TTC23: variants seen among roughly 807,000 people sequenced by gnomAD.
TTC23 encodes the protein tetratricopeptide repeat protein 23.
Under a neutral mutation model 55.1 loss-of-function variants are expected in TTC23, and 58 were observed. That is an observed-to-expected ratio of 1.05 (90% CI 0.85 to 1.31). The LOEUF is 1.31. Ranked by LOEUF, TTC23 falls within the 50% of genes most tolerant of loss-of-function variation. TTC23 has a pLI of 0.00. For missense variants in TTC23, 516 were observed against 534.4 expected, an observed-to-expected ratio of 0.97 and a Z score of 0.34; for synonymous variants, 203 against 199.9, an observed-to-expected ratio of 1.02 and a Z score of -0.13.
At chr15:99,174,932 G>T in intron 10 of TTC23, 118 bp downstream of exon 10, 1 of 740,736 alleles carries the variant, frequency 1.4e-6, no homozygotes, top group Non-Finnish European at 2.2e-6. Flanking sequence ...GATAAAACAA[G>T]GAAGGCTCTG....
intron 8 of TTC23, among the ~76,000 whole-genome samples, chr15:99,209,858 T>C (rs1373474700): frequency 1.3e-5 from 2 of 152,126 alleles, no homozygotes; most frequent in Non-Finnish European, 2.9e-5. Context: ...CCTCAGCCTC[T>C]GGAATAGCTG....
intron 12 of TTC23, among the ~76,000 whole-genome samples, chr15:99,143,685 C>T (rs901552296): frequency 1.3e-4 from 20 of 152,196 alleles, no homozygotes; most frequent in African/African-American, 4.3e-4. Flanking sequence ...TGAGAAGTCA[C>T]TTGTGTTTCT....
intron 8 of TTC23, among the ~76,000 whole-genome samples, chr15:99,210,280 C>G (rs920105734): frequency 4.6e-5 from 7 of 151,944 alleles, no homozygotes; most frequent in East Asian, 1.9e-4. Flanking sequence ...TTAGGAGATT[C>G]AAGAAATAGA....
intron 3 of TTC23, among the ~76,000 whole-genome samples, chr15:99,238,719 G>A (rs1172988886): frequency 6.6e-6 from 1 of 152,072 alleles, no homozygotes; most frequent in Non-Finnish European, 1.5e-5. Flanking sequence ...TGCCATTGAG[G>A]AGGGTTATTG....
At chr15:99,215,198 T>C (rs959648772) in intron 8 of TTC23, among the ~76,000 whole-genome samples, 4 of 152,044 alleles carry the variant, frequency 2.6e-5, no homozygotes, top group Non-Finnish European at 5.9e-5. Flanking sequence ...GTTTAACTGA[T>C]ATATAAGGGT....
intron 5 of TTC23, among the ~76,000 whole-genome samples, chr15:99,228,248 C>T (rs2078627583): frequency 6.6e-6 from 1 of 152,216 alleles, no homozygotes; most frequent in Non-Finnish European, 1.5e-5. Flanking sequence ...ATTACAAGCT[C>T]TATGAGAGCA....
rs534596337 is a variant in TTC23 at position 99,186,663 on chromosome 15, G to A, written c.760-11508C>T. Reference sequence around the variant, plus strand: ...TAAAAAATCATATATTTCTATACATGAATAATTAGAAAATGAAATTTTAAA... The same window carrying A: ...TAAAAAATCATATATTTCTATACATAAATAATTAGAAAATGAAATTTTAAA... On this transcript the variant is annotated intron_variant, in intron 9 of 13. Transcript: ENST00000394132. Among the ~76,000 whole-genome samples the A allele has an allele frequency of 4.5e-4, 69 of 152,038 alleles. No individual in the cohort carries two copies. In the East Asian group the frequency reaches 0.013, roughly 28 times the overall value.
intron 9 of TTC23, among the ~76,000 whole-genome samples, chr15:99,197,126 G>A (rs1298121331): frequency 6.8e-6 from 1 of 148,116 alleles, no homozygotes. Flanking sequence ...TTTTTGAGAC[G>A]GAGTCACGCT....
At position 99,137,851 on chromosome 15, in the gene TTC23, G is replaced by A. The variant is rs112221342; in HGVS notation, c.*159C>T. On this transcript the variant is annotated 3_prime_UTR_variant, in exon 14 of 14. Coordinates refer to ENST00000394132, the MANE Select transcript of TTC23 (RefSeq NM_001288615.3). ...CATCCACTGTCAAAATGTGGCCCAC[G>A]GGAGGCTTATGGTCTCACTGTTGCA... The A allele has an allele frequency of 2.6e-5, 30 of 1,172,706 alleles. 1 individual carries two copies. Among genetic ancestry groups the A allele is most frequent in the South Asian group, 6.5e-5 (4 of 61,688 alleles). The allele number at this position is 1,172,706 out of a possible 1,614,324, so 72.6% of individuals were successfully genotyped here. A position where few individuals can be genotyped will look rare whatever the true frequency, so the allele number is the denominator to read the frequency against.
At chr15:99,230,921 C>T (rs553425141) in intron 4 of TTC23, among the ~76,000 whole-genome samples, 2 of 152,288 alleles carry the variant, frequency 1.3e-5, no homozygotes, top group South Asian at 2.1e-4. Flanking sequence ...GGAAATGGTA[C>T]GTACATGGGC....
rs963338171 is a variant in TTC23 at position 99,229,033 on chromosome 15, G to A, written c.-20-301C>T. Among the ~76,000 whole-genome samples, 8 of 97,406 alleles carry A rather than the reference G, an allele frequency of 8.2e-5. No individual in the cohort carries two copies. The East Asian group carries it at 1.9e-3, about 23-fold the overall frequency. 63.9% of individuals were successfully genotyped at this position (97,406 alleles called of 152,430 possible). A position where few individuals can be genotyped will look rare whatever the true frequency, so the allele number is the denominator to read the frequency against. Reference sequence around the variant, plus strand: ...ATGTATTACACACATACATACATACGTAAAGTCCAGTAGAAATTAGCCTAG... The same window carrying A: ...ATGTATTACACACATACATACATACATAAAGTCCAGTAGAAATTAGCCTAG... On this transcript the variant is annotated intron_variant, in intron 4 of 13. Transcript: ENST00000394132.
chr15:99,197,077 C>T (rs1267483721), intron 9 of TTC23, among the ~76,000 whole-genome samples: 2 of 152,062 alleles, frequency 1.3e-5, no homozygotes, highest in East Asian at 1.9e-4. Flanking sequence ...CCTCATATCT[C>T]ACCTGCTATA....
At chr15:99,240,826 C>T (rs1015125130) in intron 3 of TTC23, among the ~76,000 whole-genome samples, 1 of 152,110 alleles carries the variant, frequency 6.6e-6, no homozygotes, top group Non-Finnish European at 1.5e-5. Context: ...TTTTATACAC[C>T]ATTTGACTTG....
rs568819898 is a variant in TTC23, at chr15:99,196,197, A to T, written c.759+3722T>A. Among the ~76,000 whole-genome samples, 234 of 152,258 alleles carry T rather than the reference A, an allele frequency of 1.5e-3. 2 individuals carry two copies. Among genetic ancestry groups the T allele is most frequent in the African/African-American group, 5.4e-3 (224 of 41,562 alleles). On this transcript the variant is annotated intron_variant, in intron 9 of 13. Coordinates refer to ENST00000394132, the MANE Select transcript of TTC23 (RefSeq NM_001288615.3). ...TGAGAGATATGGGTTAACATAAAAA[A>T]TTAAAGTAAATTTGAGACTCTATTC...
chr15:99,142,564 G>A (rs1199837353), intron 12 of TTC23, among the ~76,000 whole-genome samples: 1 of 152,160 alleles, frequency 6.6e-6, no homozygotes, highest in Non-Finnish European at 1.5e-5. Context: ...ACAGTCTGAG[G>A]TCTCAGTTCA....
Position 99,228,596 on chromosome 15 carries a change from C to A in TTC23, c.117G>T (p.Gln39His). The stretch of plus-strand genomic sequence containing the variant: ...AGAGGTGGAGTTTCTCTCGAGGAGG[C>A]TGGAATAGTGCTGTCTGAAGCAGCT... ...QNKLLQTALF[Q>H]PPREKLHLCE... The change falls in exon 5 of 14, where the codon CAG becomes CAT. Residue 39 changes from glutamine to histidine, a missense_variant. Physicochemically the swap from Gln to His is conservative, Grantham distance 24. Coordinates refer to ENST00000394132, the MANE Select transcript of TTC23 (RefSeq NM_001288615.3). The A allele has an allele frequency of 6.2e-7, 1 of 1,613,924 alleles. No homozygotes were observed. Among genetic ancestry groups the A allele is most frequent in the African/African-American group, 1.3e-5 (1 of 75,036 alleles).
chr15:99,245,301 C>G (rs1597073571), intron 2 of TTC23, 88 bp downstream of exon 2: 1 of 152,158 alleles, frequency 6.6e-6, no homozygotes. Flanking sequence ...CACTTGAGGT[C>G]GGGAGTTCGA....
intron 9 of TTC23, among the ~76,000 whole-genome samples, chr15:99,189,236 CAAAT>C (rs878999447): frequency 6.6e-6 from 1 of 151,924 alleles, no homozygotes; most frequent in Admixed American, 6.6e-5. Context: ...ATACTAATAA[CAAAT>C]AAATAACTTG....
chr15:99,215,597 T>G (rs1391407105), intron 8 of TTC23, among the ~76,000 whole-genome samples: 1 of 151,814 alleles, frequency 6.6e-6, no homozygotes, highest in Non-Finnish European at 1.5e-5. Context: ...ATACAAAAAG[T>G]TAGCTGGGTG....
Sources: allele counts gnomAD v4.1 joint callset (sites outside exome capture counted in the v4.1 genomes callset), GRCh38; gene constraint gnomAD v4.1.1; transcripts MANE v1.5; gene names NCBI Gene and HGNC (gene_info 2026-07-23, HGNC 2026-07-21).